The following CLSTN2 variants were observed in gnomAD, a reference collection of about 807,000 sequenced individuals.
CLSTN2 encodes the protein calsyntenin 2, also known as calsyntenin-2.
In CLSTN2, 48 loss-of-function variants were observed where a neutral mutation model predicts 101.2. The ratio of observed to expected loss-of-function variants is 0.47; its 90% CI spans 0.38 to 0.60. The LOEUF is 0.60. CLSTN2 is among the 20% of genes least tolerant of loss of function. CLSTN2 has a pLI of 0.00. For synonymous variants in CLSTN2, 481 were observed against 463.6 expected, an observed-to-expected ratio of 1.04 and a Z score of -0.48; for missense variants, 1,160 against 1,238.2, an observed-to-expected ratio of 0.94 and a Z score of 0.95.
At chr3:140,122,665 G>A (rs879535928) in intron 1 of CLSTN2, among the ~76,000 whole-genome samples, 24 of 152,104 alleles carry the variant, frequency 1.6e-4, no homozygotes, top group Non-Finnish European at 8.8e-5. Flanking sequence ...GTCTGAGGGT[G>A]GCAAAGCAGT....
intron 1 of CLSTN2, among the ~76,000 whole-genome samples, chr3:140,172,352 A>G (rs1297558342): frequency 1.3e-5 from 2 of 152,106 alleles, no homozygotes; most frequent in Non-Finnish European, 2.9e-5. Context: ...AAGATTTCCA[A>G]TGGAGAGACC....
chr3:140,385,101 AG>A (rs2088035281), intron 2 of CLSTN2, among the ~76,000 whole-genome samples: 1 of 152,176 alleles, frequency 6.6e-6, no homozygotes, highest in Admixed American at 6.5e-5. Context: ...CCTGAGCAGC[AG>A]GGTTGGTGGT....
At chr3:140,091,838 T>C (rs1203311947) in intron 1 of CLSTN2, among the ~76,000 whole-genome samples, 3 of 152,360 alleles carry the variant, frequency 2.0e-5, no homozygotes, top group Non-Finnish European at 4.4e-5. Context: ...TTCGCTTTTA[T>C]TGCCTCACCA....
intron 1 of CLSTN2, among the ~76,000 whole-genome samples, chr3:140,036,134 A>G (rs1002808611): frequency 6.6e-6 from 1 of 152,116 alleles, no homozygotes; most frequent in African/African-American, 2.4e-5. Context: ...GGCAGCATTC[A>G]TTTGCTTGCC....
At chr3:140,029,861 A>G (rs922529132) in intron 1 of CLSTN2, among the ~76,000 whole-genome samples, 1 of 152,260 alleles carries the variant, frequency 6.6e-6, no homozygotes, top group African/African-American at 2.4e-5. Context: ...TGGTTCATCA[A>G]ACACTGAGAT....
At chr3:140,307,865 A>G (rs1408046260) in intron 2 of CLSTN2, among the ~76,000 whole-genome samples, 1 of 152,196 alleles carries the variant, frequency 6.6e-6, no homozygotes, top group Non-Finnish European at 1.5e-5. Flanking sequence ...AAACCAATTA[A>G]CAATACATTT....
chr3:140,264,341 G>T (rs1386225612), intron 2 of CLSTN2, among the ~76,000 whole-genome samples: 1 of 144,606 alleles, frequency 6.9e-6, no homozygotes, highest in African/African-American at 2.5e-5. Context: ...ATGAGTTACA[G>T]AGCTGTTGCT....
chr3:140,345,894 A>T (rs1047206047), intron 2 of CLSTN2, among the ~76,000 whole-genome samples: 21 of 152,172 alleles, frequency 1.4e-4, no homozygotes, highest in Non-Finnish European at 2.9e-5. Flanking sequence ...TTTCGCTGTG[A>T]ATGATCATTC....
intron 1 of CLSTN2, among the ~76,000 whole-genome samples, chr3:140,124,857 T>C (rs2009404247): frequency 2.0e-5 from 3 of 152,040 alleles, no homozygotes; most frequent in African/African-American, 7.2e-5. Flanking sequence ...GTGCAGATAG[T>C]GAATGGGGAC....
intron 1 of CLSTN2, among the ~76,000 whole-genome samples, chr3:140,081,095 T>C (rs1343605812): frequency 1.3e-5 from 2 of 152,188 alleles, no homozygotes; most frequent in African/African-American, 4.8e-5. Context: ...AAGATGCTTA[T>C]GTTGATGACA....
chr3:140,136,280 T>C (rs1272401773), intron 1 of CLSTN2, among the ~76,000 whole-genome samples: 1 of 152,186 alleles, frequency 6.6e-6, no homozygotes, highest in African/African-American at 2.4e-5. Context: ...AGTTAGAGGA[T>C]AGGCTGTAAA....
chr3:140,428,871 G>T (rs547475128), intron 5 of CLSTN2, among the ~76,000 whole-genome samples: 1 of 152,268 alleles, frequency 6.6e-6, no homozygotes, highest in African/African-American at 2.4e-5. Flanking sequence ...AGGAAGGGTG[G>T]CAGCTTTTGG....
intron 10 of CLSTN2, among the ~76,000 whole-genome samples, chr3:140,548,388 G>A (rs541741027): frequency 6.6e-6 from 1 of 152,214 alleles, no homozygotes; most frequent in Non-Finnish European, 1.5e-5. Context: ...ACTTGTACAT[G>A]AGGAACGAAA....
At chr3:140,173,628 C>T (rs2010273670) in intron 1 of CLSTN2, among the ~76,000 whole-genome samples, 1 of 152,258 alleles carries the variant, frequency 6.6e-6, no homozygotes, top group Non-Finnish European at 1.5e-5. Flanking sequence ...AAACTTTTGC[C>T]TGGGCATCCA....
chr3:140,404,071 T>G (rs1460848881), intron 3 of CLSTN2, among the ~76,000 whole-genome samples: 1 of 152,224 alleles, frequency 6.6e-6, no homozygotes, highest in Non-Finnish European at 1.5e-5. Context: ...TGAGTTTAGG[T>G]GTCACTTCTT....
intron 2 of CLSTN2, among the ~76,000 whole-genome samples, chr3:140,289,331 T>C (rs1258605398): frequency 6.6e-6 from 1 of 151,900 alleles, no homozygotes; most frequent in Non-Finnish European, 1.5e-5. Flanking sequence ...GTTTTGTGTT[T>C]TTTTTTGTTT....
chr3:140,479,951 CTTTT>C (rs59974749), intron 8 of CLSTN2, among the ~76,000 whole-genome samples: 1 of 149,290 alleles, frequency 6.7e-6, no homozygotes, highest in African/African-American at 2.5e-5. Context: ...AAGATAAACT[CTTTT>C]TTTTTTATTA....
At position 140,035,154 on chromosome 3, in the gene CLSTN2, T is replaced by C. The variant is rs149710637; in HGVS notation, c.109+99671T>C. Among the ~76,000 whole-genome samples, 329 of 152,378 alleles carry C rather than the reference T, an allele frequency of 2.2e-3. 6 individuals are homozygous for C. Among genetic ancestry groups the C allele is most frequent in the Admixed American group, 0.02 (309 of 15,304 alleles). On this transcript the variant is annotated intron_variant, in intron 1 of 16. Coordinates refer to ENST00000458420, the MANE Select transcript of CLSTN2 (RefSeq NM_022131.3). The stretch of plus-strand genomic sequence containing the variant: ...AGTAAACATTTACCTTTTGGAGTTT[T>C]AAATCCTGGCAAGCCAGATTTCCAT...
intron 1 of CLSTN2, among the ~76,000 whole-genome samples, chr3:139,973,533 A>ATCT (rs1935753903): frequency 6.6e-6 from 1 of 152,114 alleles, no homozygotes; most frequent in African/African-American, 2.4e-5. Context: ...AACACTGGAG[A>ATCT]CAGGGGTGTG....
Sources: gnomAD v4.1 joint callset for allele counts (sites outside exome capture counted in the v4.1 genomes callset) on GRCh38, gnomAD v4.1.1 for gene constraint, MANE v1.5 for transcripts, NCBI Gene and HGNC (gene_info 2026-07-23, HGNC 2026-07-21) for gene names.